The following CYP4A11 variants were observed in gnomAD, a reference collection of about 807,000 sequenced individuals.
The protein encoded by CYP4A11 is cytochrome P450 family 4 subfamily A member 11, also known as cytochrome P450 4A11.
A neutral mutation model predicts 57.7 loss-of-function variants in CYP4A11; 52 were observed. The observed-to-expected ratio is 0.90, with a 90% CI of 0.72 to 1.14. The LOEUF (loss-of-function observed/expected upper bound fraction) is 1.14. Ranked by LOEUF, CYP4A11 falls within the 50% of genes most tolerant of loss-of-function variation. CYP4A11 has a pLI of 0.00. For synonymous variants in CYP4A11, 228 were observed against 247.1 expected (o/e 0.92, Z 0.72); for missense variants, 641 against 642.1 (o/e 1.00, Z 0.02).
intron 4 of CYP4A11, among the ~76,000 whole-genome samples, chr1:46,936,272 G>A (rs1335537770): frequency 6.6e-6 from 1 of 152,236 alleles, no homozygotes; most frequent in African/African-American, 2.4e-5. Flanking sequence ...CCAGGCCAGA[G>A]CCTGGGTGGG....
At position 46,934,078 on chromosome 1, in the gene CYP4A11, T is replaced by C. The variant is rs138802237; in HGVS notation, c.1090A>G (p.Asn364Asp). Residue 364 changes from asparagine to aspartate, a missense_variant and splice_region_variant, in exon 9 of 12, where the codon AAC becomes GAC. Asn to Asp is a conservative substitution (Grantham distance 23). Coordinates refer to ENST00000310638, the MANE Select transcript of CYP4A11 (RefSeq NM_000778.4). ...LLGDGASITW[N>D]HLDQMPYTTM... ...GTGTAGGGCATCTGGTCCAGGTGGTTCCTGAAACAATTCCATCCTGAACAC... is the reference window on the plus strand; with the variant it reads ...GTGTAGGGCATCTGGTCCAGGTGGTCCCTGAAACAATTCCATCCTGAACAC... 680 of 1,612,498 alleles carry C rather than the reference T, an allele frequency of 4.2e-4. 1 individual carries two copies. The East Asian group carries it at 0.011, about 26-fold the overall frequency.
chr1:46,930,050 G>T lies in CYP4A11; in HGVS notation c.*65C>A, dbSNP rs1326282899. The T allele has an allele frequency of 1.9e-6, 3 of 1,538,480 alleles. No homozygotes were observed. The South Asian group carries it at 3.8e-5, about 20-fold the overall frequency. ...GGGAAGGTGGGCAGACAGAAAACAGGATATGGGCAGACAGGAAGGGGACAG... is the reference window on the plus strand; with the variant it reads ...GGGAAGGTGGGCAGACAGAAAACAGTATATGGGCAGACAGGAAGGGGACAG... On this transcript the variant is annotated 3_prime_UTR_variant, in exon 12 of 12. Transcript: ENST00000310638.
chr1:46,940,664 A>T (rs1333635732), intron 1 of CYP4A11: 4 of 985,292 alleles, frequency 4.1e-6, no homozygotes, highest in Admixed American at 6.1e-5. Context: ...AAATTCCGTG[A>T]GTCTTGGGGA....
At chr1:46,930,471 C>T (rs1680953179) in intron 11 of CYP4A11, among the ~76,000 whole-genome samples, 161 bp from the exon 12 acceptor site, 1 of 152,204 alleles carries the variant, frequency 6.6e-6, no homozygotes, top group African/African-American at 2.4e-5. Flanking sequence ...TCTACCCCGT[C>T]CTGGCTTCAC....
intron 9 of CYP4A11, 125 bp downstream of exon 9, chr1:46,933,821 T>A: frequency 7.0e-7 from 1 of 1,431,498 alleles, no homozygotes; most frequent in Non-Finnish European, 9.3e-7. Context: ...ACAAAGTATG[T>A]TTTTGATTTT....
At chr1:46,930,686 C>A (rs1307408377) in intron 11 of CYP4A11, among the ~76,000 whole-genome samples, 1 of 152,184 alleles carries the variant, frequency 6.6e-6, no homozygotes, top group Non-Finnish European at 1.5e-5. Context: ...GTGTGGAGGT[C>A]AGTTCAGGTC....
chr1:46,938,872 C>T (rs1404280159), intron 1 of CYP4A11, among the ~76,000 whole-genome samples: 3 of 152,230 alleles, frequency 2.0e-5, no homozygotes, highest in Non-Finnish European at 4.4e-5. Flanking sequence ...CTTCTCTTTT[C>T]TTGCCTCCAG....
Position 46,934,313 on chromosome 1 carries a change from C to T in CYP4A11, c.951G>A (p.Thr317=), listed in dbSNP as rs754121044. 153 of 1,608,770 alleles carry T rather than the reference C, an allele frequency of 9.5e-5. No individual in the cohort carries two copies. The highest frequency in any genetic ancestry group is 1.2e-4 in the Non-Finnish European group (140 of 1,177,790). The change falls in exon 8 of 12, where the codon ACG becomes ACA. Residue 317 remains threonine, a synonymous_variant. Coordinates refer to ENST00000310638, the MANE Select transcript of CYP4A11 (RefSeq NM_000778.4). ...SDKDLRAEVD[T]FMFEGHDTTA... is the part of the protein sequence containing the mutation. ...TGGTGTCGTGGCCCTCAAACATGAA[C>T]GTGTCCACCTCAGCACGGAGGTCCT... is the stretch of plus-strand genomic sequence containing the variant.
intron 4 of CYP4A11, 147 bp downstream of exon 4, chr1:46,936,517 A>G: frequency 7.7e-7 from 1 of 1,293,140 alleles, no homozygotes; most frequent in Non-Finnish European, 1.0e-6. Context: ...AACTCTGGGG[A>G]ACCCTCTACT....
At position 46,931,261 on chromosome 1, in the gene CYP4A11, G is replaced by T. The variant is rs12137649; in HGVS notation, c.1365-951C>A. Among the ~76,000 whole-genome samples, 732 of 152,214 alleles carry T rather than the reference G, an allele frequency of 4.8e-3. 4 individuals are homozygous for T. The highest frequency in any genetic ancestry group is 0.016 in the South Asian group (76 of 4,822). On this transcript the variant is annotated intron_variant, in intron 11 of 11. Transcript: ENST00000310638. Reference sequence around the variant, plus strand: ...CTGCCTCTCACTCCCTGCCAGCTGGGCCTCTCCCTCCCAGGCCCCCAGGTA... The same window carrying T: ...CTGCCTCTCACTCCCTGCCAGCTGGTCCTCTCCCTCCCAGGCCCCCAGGTA...
In CYP4A11 at chr1:46,934,271, G is replaced by A. The variant is rs768522036; in HGVS notation, c.993C>T (p.Ser331=). 5 of 1,612,994 alleles carry A rather than the reference G, an allele frequency of 3.1e-6. No homozygotes were observed. Among genetic ancestry groups the A allele is most frequent in the Non-Finnish European group, 4.2e-6 (5 of 1,179,634 alleles). ...EGHDTTASGI[S]WILYALATHP... ...GTGTGGCCAGAGCATAGAGGATCCA[G>A]GAGATCCCACTGGCTGTGGTGTCGT... is the stretch of plus-strand genomic sequence containing the variant. Residue 331 remains serine, a synonymous_variant, in exon 8 of 12, where the codon TCC becomes TCT. Coordinates refer to ENST00000310638, the MANE Select transcript of CYP4A11 (RefSeq NM_000778.4).
rs1254737489 is a variant in CYP4A11 at position 46,934,173 on chromosome 1, C to T, written c.1088+3G>A. ...GAACCCCATCTTTTGAGCCCTCACT[C>T]ACCAGGTGATGGAGGCTCCATCACC... is the stretch of plus-strand genomic sequence containing the variant. On this transcript the variant is annotated splice_donor_region_variant and intron_variant, in intron 8 of 11. Transcript: ENST00000310638. 2 of 1,613,640 alleles carry T rather than the reference C, an allele frequency of 1.2e-6. No individual in the cohort carries two copies. Among genetic ancestry groups the T allele is most frequent in the Admixed American group, 1.7e-5 (1 of 59,958 alleles).
Position 46,934,733 on chromosome 1 carries a change from G to A in CYP4A11, c.791-174C>T, listed in dbSNP as rs201079432. 6.7e-3 allele frequency among the ~76,000 whole-genome samples: 1,014 copies of A among 152,134 alleles called. 12 individuals carry two copies. Among genetic ancestry groups the A allele is most frequent in the East Asian group, 0.055 (282 of 5,110 alleles). On this transcript the variant is annotated intron_variant, in intron 6 of 11. Coordinates refer to ENST00000310638, the MANE Select transcript of CYP4A11 (RefSeq NM_000778.4). The stretch of plus-strand genomic sequence containing the variant: ...CTGTGTGAGGCAGGGCACCCCTCCC[G>A]CCAGTGGCACAGTTCATGGAGGCTC...
At position 46,934,260 on chromosome 1, in the gene CYP4A11, TAGAGG is replaced by T; in HGVS notation, c.999_1003del (p.Leu334CysfsTer22). On this transcript the variant is annotated frameshift_variant, in exon 8 of 12. Transcript: ENST00000310638. LOFTEE classifies it high-confidence loss of function. Reference sequence around the variant, plus strand: ...ATGCTTGGGGTGTGTGGCCAGAGCATAGAGGATCCAGGAGATCCCACTGGCTGTGG... The same window carrying T: ...ATGCTTGGGGTGTGTGGCCAGAGCATATCCAGGAGATCCCACTGGCTGTGG... 1.2e-6 allele frequency: 2 copies of T among 1,613,346 alleles called. No homozygotes were observed. The highest frequency in any genetic ancestry group is 1.7e-6 in the Non-Finnish European group (2 of 1,179,726).
At chr1:46,933,842 A>G in intron 9 of CYP4A11, 104 bp downstream of exon 9, 1 of 1,508,650 alleles carries the variant, frequency 6.6e-7, no homozygotes, top group Non-Finnish European at 8.9e-7. Context: ...TTTAGAACAA[A>G]AGGGAGACCC....
intron 9 of CYP4A11, 151 bp downstream of exon 9, chr1:46,933,795 A>G: frequency 7.5e-7 from 1 of 1,336,710 alleles, no homozygotes; most frequent in Non-Finnish European, 1.0e-6. Flanking sequence ...GACTTTTCAA[A>G]TTCTTTATCC....
At chr1:46,931,006 C>T (rs1680992214) in intron 11 of CYP4A11, among the ~76,000 whole-genome samples, 1 of 152,166 alleles carries the variant, frequency 6.6e-6, no homozygotes, top group South Asian at 2.1e-4. Context: ...TTCTGCTTCC[C>T]CTCCCAGCAC....
At chr1:46,938,260 G>C in intron 1 of CYP4A11, 123 bp from the exon 2 acceptor site, 1 of 1,359,660 alleles carries the variant, frequency 7.4e-7, no homozygotes, top group Non-Finnish European at 1.0e-6. Context: ...TGTTTCTGAT[G>C]ACCTGAGCTG....
At chr1:46,937,797 G>C (rs1353589389) in intron 2 of CYP4A11, among the ~76,000 whole-genome samples, 199 bp downstream of exon 2, 1 of 152,138 alleles carries the variant, frequency 6.6e-6, no homozygotes, top group East Asian at 1.9e-4. Context: ...AGAAAATTCA[G>C]CCCCACATAT....
Sources: allele counts gnomAD v4.1 joint callset (sites outside exome capture counted in the v4.1 genomes callset), GRCh38; gene constraint gnomAD v4.1.1; transcripts MANE v1.5; gene names NCBI Gene and HGNC (gene_info 2026-07-23, HGNC 2026-07-21).